The following TTC7A variants were observed in gnomAD, a reference collection of about 807,000 sequenced individuals.
TTC7A encodes tetratricopeptide repeat protein 7A.
A neutral mutation model predicts 103.7 loss-of-function variants in TTC7A; 110 were observed. The observed-to-expected ratio is 1.06, with a 90% CI of 0.91 to 1.24. The LOEUF (loss-of-function observed/expected upper bound fraction) is 1.24. TTC7A is among the 50% of genes most tolerant of loss of function. The probability of loss-of-function intolerance (pLI) is 0.00; values close to 1 mark genes in which losing one functional copy is unlikely to be tolerated. For synonymous variants in TTC7A, 521 were observed against 467.9 expected (o/e 1.11, Z -1.47); for missense variants, 1,340 against 1,116.3 (o/e 1.20, Z -2.86).
chr2:46,966,956 T>G (rs1672913807), intron 3 of TTC7A, among the ~76,000 whole-genome samples: 1 of 151,868 alleles, frequency 6.6e-6, no homozygotes, highest in African/African-American at 2.4e-5. Flanking sequence ...CTCATGCCTA[T>G]AATCCCAGTA....
At chr2:46,927,133 G>A (rs972400230) in intron 2 of TTC7A, among the ~76,000 whole-genome samples, 2 of 152,048 alleles carry the variant, frequency 1.3e-5, no homozygotes, top group Admixed American at 6.6e-5. Flanking sequence ...TTACTTGTAT[G>A]TAGTTGGAGT....
At chr2:47,009,923 GA>G (rs1677859832) in intron 10 of TTC7A, among the ~76,000 whole-genome samples, 28 of 144,326 alleles carry the variant, frequency 1.9e-4, no homozygotes, top group African/African-American at 2.6e-4. Context: ...GGGGACAGGG[GA>G]GGGGGCGCGC....
At chr2:46,944,366 T>G (rs1670733596) in intron 1 of TTC7A, among the ~76,000 whole-genome samples, 1 of 142,868 alleles carries the variant, frequency 7.0e-6, no homozygotes, top group Non-Finnish European at 1.5e-5. Flanking sequence ...AGAACTCTGG[T>G]ATTTTGGGTT....
At position 47,075,552 on chromosome 2, in the gene TTC7A, A is replaced by C. The variant is rs1408076691; in HGVS notation, c.*1629A>C. 1 of 152,232 alleles carries C rather than the reference A, an allele frequency of 6.6e-6. No homozygotes were observed. Among genetic ancestry groups the C allele is most frequent in the African/African-American group, 2.4e-5 (1 of 41,452 alleles). The allele number at this position is 152,232 out of a possible 1,614,324, so 9.4% of individuals were successfully genotyped here. A position where few individuals can be genotyped will look rare whatever the true frequency, so the allele number is the denominator to read the frequency against. ...TGAATAAAGAAACCCTTGGAGGGGA[A>C]GCAGGCTTGTCTGAAGCAGCATGTA... is the stretch of plus-strand genomic sequence containing the variant. On this transcript the variant is annotated 3_prime_UTR_variant, in exon 20 of 20. Transcript: ENST00000319190.
chr2:47,004,593 A>C (rs1252633838), intron 8 of TTC7A, among the ~76,000 whole-genome samples: 1 of 152,104 alleles, frequency 6.6e-6, no homozygotes, highest in African/African-American at 2.4e-5. Context: ...GAGGAGGGCA[A>C]GTACTATTGT....
At chr2:46,975,231 ACT>A in intron 4 of TTC7A, 128 bp downstream of exon 4, 1 of 1,232,568 alleles carries the variant, frequency 8.1e-7, no homozygotes, top group South Asian at 1.4e-5. Context: ...CCCCAAAGAC[ACT>A]CTACTTCATA....
At chr2:46,942,330 G>A (rs947243568) in intron 1 of TTC7A, among the ~76,000 whole-genome samples, 4 of 152,130 alleles carry the variant, frequency 2.6e-5, no homozygotes, top group South Asian at 4.2e-4. Flanking sequence ...GGGCGGGAAA[G>A]CACCCTGATG....
At chr2:46,968,780 T>C (rs1673086635) in intron 3 of TTC7A, among the ~76,000 whole-genome samples, 1 of 152,200 alleles carries the variant, frequency 6.6e-6, no homozygotes, top group African/African-American at 2.4e-5. Flanking sequence ...CATGTACAAA[T>C]CTTAACTGTA....
intron 8 of TTC7A, among the ~76,000 whole-genome samples, chr2:47,003,543 A>G (rs1222247722): frequency 3.3e-5 from 5 of 152,180 alleles, no homozygotes; most frequent in Non-Finnish European, 7.4e-5. Context: ...CCTGATGGCC[A>G]TAGTGATGGC....
intron 2 of TTC7A, among the ~76,000 whole-genome samples, chr2:46,926,795 GGACCTC>G (rs1218895525): frequency 6.6e-6 from 1 of 152,118 alleles, no homozygotes; most frequent in East Asian, 1.9e-4. Context: ...AGCAATCAAC[GGACCTC>G]CACAGCTTGA....
At chr2:46,932,077 TTAAC>T (rs1189470800) in intron 2 of TTC7A, among the ~76,000 whole-genome samples, 4 of 152,128 alleles carry the variant, frequency 2.6e-5, no homozygotes, top group African/African-American at 4.8e-5. Flanking sequence ...TAAAAAACCT[TTAAC>T]AAACTAGGAA....
intron 15 of TTC7A, 50 bp downstream of exon 15, chr2:47,029,434 C>A (rs901458066): frequency 6.2e-7 from 1 of 1,603,160 alleles, no homozygotes; most frequent in East Asian, 2.2e-5. Context: ...CTGGCCTCTG[C>A]AGCAGGCGCC....
At chr2:46,950,809 G>A (rs1161387964) in intron 2 of TTC7A, among the ~76,000 whole-genome samples, 2 of 152,106 alleles carry the variant, frequency 1.3e-5, no homozygotes, top group Non-Finnish European at 2.9e-5. Context: ...TTGATTACAT[G>A]TTCAGATGGT....
intron 2 of TTC7A, among the ~76,000 whole-genome samples, chr2:46,917,921 C>T (rs1172917563): frequency 6.6e-6 from 1 of 152,218 alleles, no homozygotes; most frequent in Non-Finnish European, 1.5e-5. Flanking sequence ...TAATTGGCTT[C>T]TCAATCTATA....
In TTC7A at chr2:46,919,840, A is replaced by G. The variant is rs577607352; in HGVS notation, c.82+2563A>G. 9.2e-5 allele frequency among the ~76,000 whole-genome samples: 14 copies of G among 152,364 alleles called. No individual in the cohort carries two copies. The Middle Eastern group carries it at 0.014, about 148-fold the overall frequency. ...AACTGCAGTTTCTTTTGTTTAGAGA[A>G]AAGGTCTTGCTCTATCACCCTTGCA... On this transcript the variant is annotated intron_variant, in intron 2 of 20. Coordinates refer to the TTC7A transcript ENST00000409245.
chr2:47,023,432 A>G lies in TTC7A; in HGVS notation c.1535A>G (p.Glu512Gly). 1.2e-6 allele frequency: 2 copies of G among 1,614,114 alleles called. No individual in the cohort carries two copies. The highest frequency in any genetic ancestry group is 3.3e-5 in the Admixed American group (2 of 60,028). Residue 512 changes from glutamate (E) to glycine (G), a missense_variant, in exon 13 of 20, where the codon GAA (glutamate) becomes GGA (glycine). Coordinates refer to ENST00000319190, the MANE Select transcript of TTC7A (RefSeq NM_020458.4). ...GCCACCCTGAAGTCCAAGCAAGATG[A>G]ATTGCACCGGAAGGCACTGCAGACG... ...TDATLKSKQDELHRKALQTLE... is the reference protein window; with the variant it reads ...TDATLKSKQDGLHRKALQTLE...
chr2:47,029,153 TG>T, intron 14 of TTC7A, 70 bp from the exon 15 acceptor site: 1 of 1,565,956 alleles, frequency 6.4e-7, no homozygotes, highest in Admixed American at 1.7e-5. Context: ...CCTTGTTGAC[TG>T]GCACGTGGCT....
rs563755518 is a variant in TTC7A, at chr2:47,061,540, T to C, written c.2355+569T>C. Among the ~76,000 whole-genome samples, 7 of 152,290 alleles carry C rather than the reference T, an allele frequency of 4.6e-5. No homozygotes were observed. In the East Asian group the frequency reaches 1.4e-3, roughly 29 times the overall value. ...TCCAGTAGCCCCTGGTCCTCATTCA[T>C]GGGCTCAGGACTTGGGTGTCCAGGG... On this transcript the variant is annotated intron_variant, in intron 19 of 19. Coordinates refer to ENST00000319190, the MANE Select transcript of TTC7A (RefSeq NM_020458.4).
At chr2:46,960,851 A>G (rs1289366055) in intron 3 of TTC7A, among the ~76,000 whole-genome samples, 1 of 152,100 alleles carries the variant, frequency 6.6e-6, no homozygotes, top group Non-Finnish European at 1.5e-5. Context: ...TGCCTCCAAG[A>G]TGGGTCAGAC....
Sources: allele counts gnomAD v4.1 joint callset (sites outside exome capture counted in the v4.1 genomes callset), GRCh38; gene constraint gnomAD v4.1.1; transcripts MANE v1.5; gene names NCBI Gene and HGNC (gene_info 2026-07-23, HGNC 2026-07-21).